The following GALNT18 variants were observed in gnomAD, a reference collection of about 807,000 sequenced individuals.
The protein encoded by GALNT18 is GalNAc-transferase 18.
Under a neutral mutation model 69.5 loss-of-function variants are expected in GALNT18, and 44 were observed. The observed-to-expected ratio is 0.63, with a 90% CI of 0.50 to 0.81. The LOEUF (loss-of-function observed/expected upper bound fraction) is 0.81. Ranked by LOEUF, GALNT18 falls within the 40% of genes least tolerant of loss-of-function variation. GALNT18 has a pLI of 0.00. For missense variants in GALNT18, 715 were observed against 810.0 expected (o/e 0.88, Z 1.42); for synonymous variants, 364 against 318.2 (o/e 1.14, Z -1.53).
chr11:11,399,872 C>T (rs1359445505), intron 3 of GALNT18, among the ~76,000 whole-genome samples: 1 of 152,180 alleles, frequency 6.6e-6, no homozygotes, highest in Non-Finnish European at 1.5e-5. Flanking sequence ...CGAGCACTTA[C>T]TATGTGTTAA....
rs1850249099 is a variant in GALNT18, at chr11:11,343,578, T to G, written c.1093-2574A>C. Reference sequence around the variant, plus strand: ...AAGGCCCCAGGCTGTGCACCTCCATTCCCAAGACCTGTACATTCTGGGGAC... The same window carrying G: ...AAGGCCCCAGGCTGTGCACCTCCATGCCCAAGACCTGTACATTCTGGGGAC... On this transcript the variant is annotated intron_variant, in intron 6 of 10. Transcript: ENST00000227756. 2.6e-5 allele frequency among the ~76,000 whole-genome samples: 4 copies of G among 152,214 alleles called. No individual in the cohort carries two copies. In the East Asian group the frequency reaches 7.8e-4, roughly 30 times the overall value.
intron 3 of GALNT18, among the ~76,000 whole-genome samples, chr11:11,429,903 G>C (rs1003043713): frequency 2.0e-5 from 3 of 152,264 alleles, no homozygotes; most frequent in South Asian, 4.1e-4. Context: ...AATTTGGGAG[G>C]GCGAGGCAGG....
chr11:11,559,120 T>C (rs1858401017), intron 1 of GALNT18, among the ~76,000 whole-genome samples: 1 of 152,174 alleles, frequency 6.6e-6, no homozygotes, highest in South Asian at 2.1e-4. Flanking sequence ...TACGTGAAAT[T>C]CTAGGAATGT....
chr11:11,308,999 G>A (rs917043713), intron 9 of GALNT18, among the ~76,000 whole-genome samples: 1 of 152,176 alleles, frequency 6.6e-6, no homozygotes, highest in African/African-American at 2.4e-5. Context: ...TGGTTTGACT[G>A]TGTCCCCCAA....
rs1455167498 is a variant in GALNT18 at position 11,497,118 on chromosome 11, T to C, written c.236-48182A>G. ...CTGCTGTTTCTTCAGTATGGGATGC[T>C]GTGACCCAGGGCCAGACCCTTCTTG... On this transcript the variant is annotated intron_variant, in intron 1 of 10. Transcript: ENST00000227756. The surrounding 1 kb of genome is among the most constrained non-coding windows in gnomAD (Gnocchi z 4.2). Among the ~76,000 whole-genome samples the C allele has an allele frequency of 6.6e-6, 1 of 152,094 alleles. No individual in the cohort carries two copies. The highest frequency in any genetic ancestry group is 1.5e-5 in the Non-Finnish European group (1 of 68,014).
At position 11,421,201 on chromosome 11, in the gene GALNT18, C is replaced by T. The variant is rs1290163159; in HGVS notation, c.595+11420G>A. 2.1e-5 allele frequency among the ~76,000 whole-genome samples: 3 copies of T among 140,332 alleles called. No homozygotes were observed. Among genetic ancestry groups the T allele is most frequent in the African/African-American group, 5.5e-5 (2 of 36,568 alleles). The allele number at this position is 140,332 out of a possible 152,430, so 92.1% of individuals were successfully genotyped here. A position where few individuals can be genotyped will look rare whatever the true frequency, so the allele number is the denominator to read the frequency against. On this transcript the variant is annotated intron_variant, in intron 3 of 10. Coordinates refer to ENST00000227756, the MANE Select transcript of GALNT18 (RefSeq NM_198516.3). This position sits in a 1 kb window ranked among gnomAD's most constrained non-coding sequence, Gnocchi z 5.6. ...CACTGCCAGGCTCAGGCAGCTTCAG[C>T]GGTGCAGCATGTTGGGACCTCAGCA...
chr11:11,397,879 G>T (rs1161882902), intron 3 of GALNT18, among the ~76,000 whole-genome samples: 1 of 152,252 alleles, frequency 6.6e-6, no homozygotes, highest in African/African-American at 2.4e-5. Flanking sequence ...GCAAGAAGGG[G>T]CCGCTGGCTG....
At chr11:11,572,666 C>A (rs758253905) in intron 1 of GALNT18, among the ~76,000 whole-genome samples, 2 of 152,008 alleles carry the variant, frequency 1.3e-5, no homozygotes, top group East Asian at 1.9e-4. Context: ...TGCAGGAGGA[C>A]CCCTGAACAT....
intron 1 of GALNT18, among the ~76,000 whole-genome samples, chr11:11,477,712 G>T (rs910824247): frequency 6.6e-6 from 1 of 152,158 alleles, no homozygotes; most frequent in African/African-American, 2.4e-5. Flanking sequence ...ATTTATATAC[G>T]ACTTATGACA....
intron 3 of GALNT18, among the ~76,000 whole-genome samples, chr11:11,418,665 C>T (rs1854921545): frequency 2.0e-5 from 3 of 152,194 alleles, no homozygotes; most frequent in Non-Finnish European, 2.9e-5. Context: ...GCTGCCAGCT[C>T]GCTGGGGACA....
chr11:11,450,070 T>C (rs1339982164), intron 1 of GALNT18, among the ~76,000 whole-genome samples: 1 of 147,220 alleles, frequency 6.8e-6, no homozygotes, highest in East Asian at 2.7e-4. Context: ...TCAGAGAAAT[T>C]GGACAGAACT....
chr11:11,557,648 T>G (rs1226256164), intron 1 of GALNT18, among the ~76,000 whole-genome samples: 2 of 152,242 alleles, frequency 1.3e-5, no homozygotes, highest in Non-Finnish European at 2.9e-5. Context: ...GAGCACTCGG[T>G]AACTGTCAGC....
chr11:11,487,330 G>A (rs1482019576), intron 1 of GALNT18, among the ~76,000 whole-genome samples: 2 of 151,946 alleles, frequency 1.3e-5, no homozygotes, highest in Non-Finnish European at 2.9e-5. Context: ...TTGGGTAATG[G>A]GTGCACCAAA....
intron 3 of GALNT18, among the ~76,000 whole-genome samples, chr11:11,420,886 A>T (rs1343703729): frequency 6.6e-6 from 1 of 152,086 alleles, no homozygotes; most frequent in African/African-American, 2.4e-5. Context: ...CTGTTGACAG[A>T]TGATCACACA....
chr11:11,501,356 T>A (rs1461963049), intron 1 of GALNT18, among the ~76,000 whole-genome samples: 1 of 152,206 alleles, frequency 6.6e-6, no homozygotes, highest in Non-Finnish European at 1.5e-5. Flanking sequence ...AATGTTTAAA[T>A]CTCACAGAAT....
In GALNT18 at chr11:11,511,378, G is replaced by A. The variant is rs1157868182; in HGVS notation, c.236-62442C>T. ...AAGAGCTACAGCTCAAGGTTGCTGT[G>A]TCCCCGCAGCCAAGGCTGAAGCATG... On this transcript the variant is annotated intron_variant, in intron 1 of 10. Transcript: ENST00000227756. This position sits in a 1 kb window ranked among gnomAD's most constrained non-coding sequence, Gnocchi z 4.9. Among the ~76,000 whole-genome samples, 1 of 152,114 alleles carries A rather than the reference G, an allele frequency of 6.6e-6. No individual in the cohort carries two copies. The highest frequency in any genetic ancestry group is 1.5e-5 in the Non-Finnish European group (1 of 68,024).
rs185404436 is a variant in GALNT18, at chr11:11,274,465, C to A, written c.1678-3175G>T. 3.8e-3 allele frequency among the ~76,000 whole-genome samples: 574 copies of A among 152,320 alleles called. 6 individuals carry two copies. Among genetic ancestry groups the A allele is most frequent in the South Asian group, 0.012 (60 of 4,820 alleles). ...TGGCTTGAAATTCTCGCTGCTAGGA[C>A]AGCAGTCTGAGGTTGACCTGGGATG... On this transcript the variant is annotated intron_variant, in intron 10 of 10. Coordinates refer to ENST00000227756, the MANE Select transcript of GALNT18 (RefSeq NM_198516.3).
chr11:11,512,028 T>C (rs1378882588), intron 1 of GALNT18, among the ~76,000 whole-genome samples: 3 of 152,244 alleles, frequency 2.0e-5, no homozygotes, highest in Admixed American at 1.3e-4. Context: ...TACATATGTT[T>C]ACATGTATAC....
In GALNT18 at chr11:11,372,572, G is replaced by A. The variant is rs201500169; in HGVS notation, c.1035C>T (p.Gly345=). ...AGACTTCCATGCCTTCGTCCAGCAG[G>A]CCGATCTCCTGGAAGTACTGCCGGT... ...IVDRQYFQEI[G]LLDEGMEVYG... The change falls in exon 6 of 11, where the codon GGC becomes GGT. Residue 345 remains glycine, a synonymous_variant. Transcript: ENST00000227756. This position sits in a 1 kb window ranked among gnomAD's most constrained non-coding sequence, Gnocchi z 4.9. The A allele has an allele frequency of 1.2e-6, 2 of 1,614,214 alleles. No individual in the cohort carries two copies. The highest frequency in any genetic ancestry group is 2.7e-5 in the African/African-American group (2 of 75,058).
Sources: gnomAD v4.1 joint callset for allele counts (sites outside exome capture counted in the v4.1 genomes callset) on GRCh38, gnomAD v4.1.1 for gene constraint, Gnocchi (gnomAD v3.1) non-coding constraint, MANE v1.5 for transcripts, NCBI Gene and HGNC (gene_info 2026-07-23, HGNC 2026-07-21) for gene names.